PTGS2: variants seen among roughly 807,000 people sequenced by gnomAD.
PTGS2 encodes prostaglandin G/H synthase 2.
A neutral mutation model predicts 63.8 loss-of-function variants in PTGS2; 14 were observed. The ratio of observed to expected loss-of-function variants is 0.22; its 90% CI spans 0.14 to 0.34. The LOEUF (loss-of-function observed/expected upper bound fraction) is 0.34. Ranked by LOEUF, PTGS2 falls within the 10% of genes least tolerant of loss-of-function variation. The probability of loss-of-function intolerance (pLI) is 1.00; values close to 1 mark genes in which losing one functional copy is unlikely to be tolerated. For missense variants in PTGS2, 533 were observed against 738.5 expected (o/e 0.72, Z 3.23); for synonymous variants, 271 against 259.5 (o/e 1.04, Z -0.43).
At chr1:186,677,507 A>C in intron 5 of PTGS2, 142 bp downstream of exon 5, 1 of 844,148 alleles carries the variant, frequency 1.2e-6, no homozygotes, top group Non-Finnish European at 1.7e-6. Context: ...AAATTCCTTT[A>C]AGGTTTTTAT....
At chr1:186,677,207 A>G (rs1348033933) in intron 5 of PTGS2, among the ~76,000 whole-genome samples, 1 of 152,124 alleles carries the variant, frequency 6.6e-6, no homozygotes, top group East Asian at 1.9e-4. Context: ...AAGTATAAAA[A>G]TGTATTATTT....
rs1387864722 is a variant in PTGS2 at position 186,677,298 on chromosome 1, A to G, written c.639+351T>C. 2.0e-5 allele frequency among the ~76,000 whole-genome samples: 3 copies of G among 152,202 alleles called. No homozygotes were observed. The South Asian group carries it at 6.2e-4, about 31-fold the overall frequency. ...AATGCGGCAAAAACCTCACTTTACA[A>G]TATTGAAAGCGGCATAATCATGGTA... is the stretch of plus-strand genomic sequence containing the variant. On this transcript the variant is annotated intron_variant, in intron 5 of 9. Coordinates refer to ENST00000367468, the MANE Select transcript of PTGS2 (RefSeq NM_000963.4).
In PTGS2 at chr1:186,675,358, T is replaced by C. The variant is rs773222346; in HGVS notation, c.1296A>G (p.Lys432=). 2 of 1,614,142 alleles carry C rather than the reference T, an allele frequency of 1.2e-6. No individual in the cohort carries two copies. The highest frequency in any genetic ancestry group is 1.7e-6 in the Non-Finnish European group (2 of 1,180,028). ...GGRNVPPAVQ[K]VSQASIDQSR... is the part of the protein sequence containing the mutation. ...TCTGGTCAATGGAAGCCTGTGATACTTTCTGTACTGCGGGTGGAACATTCC... is the reference window on the plus strand; with the variant it reads ...TCTGGTCAATGGAAGCCTGTGATACCTTCTGTACTGCGGGTGGAACATTCC... The change falls in exon 9 of 10, where the codon AAA becomes AAG. Residue 432 remains lysine (K), a synonymous_variant. Coordinates refer to ENST00000367468, the MANE Select transcript of PTGS2 (RefSeq NM_000963.4).
At position 186,672,322 on chromosome 1, in the gene PTGS2, C is replaced by G. The variant is rs1318049786; in HGVS notation, c.*2031G>C. 1 of 152,094 alleles carries G rather than the reference C, an allele frequency of 6.6e-6. No homozygotes were observed. Among genetic ancestry groups the G allele is most frequent in the Admixed American group, 6.6e-5 (1 of 15,264 alleles). The allele number at this position is 152,094 out of a possible 1,614,324, so 9.4% of individuals were successfully genotyped here. A position where few individuals can be genotyped will look rare whatever the true frequency, so the allele number is the denominator to read the frequency against. The stretch of plus-strand genomic sequence containing the variant: ...AGGTCAGTCTTATGGCACATTCAGG[C>G]TAATGAGACAATATTCTTTGTGGGC... On this transcript the variant is annotated 3_prime_UTR_variant, in exon 10 of 10. Transcript: ENST00000367468.
chr1:186,679,247 T>TA (rs1345734243), intron 2 of PTGS2, 46 bp from the exon 3 acceptor site: 2 of 1,612,722 alleles, frequency 1.2e-6, no homozygotes, highest in East Asian at 2.2e-5. Context: ...TGGGACTCAT[T>TA]ATAAGACACA....
intron 9 of PTGS2, 60 bp from the exon 10 acceptor site, chr1:186,674,822 G>T: frequency 6.6e-7 from 1 of 1,505,174 alleles, no homozygotes; most frequent in Non-Finnish European, 8.9e-7. Context: ...ATAAAAAACA[G>T]TTTGATTCTT....
Position 186,676,266 on chromosome 1 carries a change from T to C in PTGS2, c.971-82A>G, listed in dbSNP as rs914222024. 24 of 1,424,940 alleles carry C rather than the reference T, an allele frequency of 1.7e-5. No individual in the cohort carries two copies. The East Asian group carries it at 4.5e-4, about 26-fold the overall frequency. The allele number at this position is 1,424,940 out of a possible 1,614,324, so 88.3% of individuals were successfully genotyped here. On this transcript the variant is annotated intron_variant, in intron 7 of 9. Coordinates refer to ENST00000367468, the MANE Select transcript of PTGS2 (RefSeq NM_000963.4). Reference sequence around the variant, plus strand: ...AGCAACTGGAATGCAATTTTTAAAATTTGCTATTCCTTCATTTCTGTTTTC... The same window carrying C: ...AGCAACTGGAATGCAATTTTTAAAACTTGCTATTCCTTCATTTCTGTTTTC...
Position 186,680,415 on chromosome 1 carries a change from AT to A in PTGS2, c.-126del. ...GCTCCTGACGCTCACTGCAAGTCGT[AT>A]GACAATTGGTCGCTAACCGAGAGAA... On this transcript the variant is annotated 5_prime_UTR_variant, in exon 1 of 10. Transcript: ENST00000367468. 1 of 639,194 alleles carries A rather than the reference AT, an allele frequency of 1.6e-6. No individual in the cohort carries two copies. The allele number at this position is 639,194 out of a possible 1,614,324, so 39.6% of individuals were successfully genotyped here.
At chr1:186,676,293 T>C (rs1005397999) in intron 7 of PTGS2, 109 bp from the exon 8 acceptor site, 10 of 1,375,404 alleles carry the variant, frequency 7.3e-6, no homozygotes. Flanking sequence ...TCTGTTTTCT[T>C]CCTTGTCAGT....
In PTGS2 at chr1:186,674,483, G is replaced by T; in HGVS notation, c.1685C>A (p.Pro562His). The T allele has an allele frequency of 6.2e-7, 1 of 1,614,122 alleles. No homozygotes were observed. Among genetic ancestry groups the T allele is most frequent in the Non-Finnish European group, 8.5e-7 (1 of 1,180,024 alleles). The change falls in exon 10 of 10, where the codon CCC (proline) becomes CAC (histidine). Residue 562 changes from proline to histidine, a missense_variant. Around this residue, in one of 5 missense-constraint regions of PTGS2, gnomAD observed 219 missense variants for 267.4 expected, o/e 0.82. Transcript: ENST00000367468. ...SLICNNVKGC[P>H]FTSFSVPDPE... The stretch of plus-strand genomic sequence containing the variant: ...ATCTGGAACACTGAATGAAGTAAAG[G>T]GACAGCCCTTCACGTTATTGCAGAT...
Position 186,673,264 on chromosome 1 carries a change from A to G in PTGS2, c.*1089T>C, listed in dbSNP as rs1665720520. The G allele has an allele frequency of 6.6e-6, 1 of 152,152 alleles. No homozygotes were observed. The highest frequency in any genetic ancestry group is 1.5e-5 in the Non-Finnish European group (1 of 68,006). The allele number at this position is 152,152 out of a possible 1,614,324, so 9.4% of individuals were successfully genotyped here. ...CAATGTGATATGGACTGCTAAATTA[A>G]ACTGTACAACAGAAAATCTGAGAAA... On this transcript the variant is annotated 3_prime_UTR_variant, in exon 10 of 10. Coordinates refer to ENST00000367468, the MANE Select transcript of PTGS2 (RefSeq NM_000963.4).
At chr1:186,678,191 A>ATTT in intron 4 of PTGS2, 70 bp downstream of exon 4, 3 of 1,067,496 alleles carry the variant, frequency 2.8e-6, no homozygotes, top group Non-Finnish European at 3.8e-6. Context: ...TCTAAGGTCA[A>ATTT]TTTTTTTTTT....
In PTGS2 at chr1:186,675,960, T is replaced by C. The variant is rs748500299; in HGVS notation, c.1195A>G (p.Ile399Val). The C allele has an allele frequency of 1.2e-6, 2 of 1,614,036 alleles. No homozygotes were observed. The highest frequency in any genetic ancestry group is 1.3e-5 in the African/African-American group (1 of 75,042). Residue 399 changes from isoleucine to valine, a missense_variant, in exon 8 of 10, where the codon ATA (isoleucine) becomes GTA (valine). Coordinates refer to ENST00000367468, the MANE Select transcript of PTGS2 (RefSeq NM_000963.4). The stretch of plus-strand genomic sequence containing the variant: ...TGGGTAATTCCATGTTCCAGCAATA[T>C]AGAGTTGTTGTAGATAAACTGTTGA... ...NYQQFIYNNS[I>V]LLEHGITQFV...
Position 186,676,192 on chromosome 1 carries a change from C to A in PTGS2, c.971-8G>T. 1 of 1,580,258 alleles carries A rather than the reference C, an allele frequency of 6.3e-7. No homozygotes were observed. Among genetic ancestry groups the A allele is most frequent in the South Asian group, 1.2e-5 (1 of 86,712 alleles). ...CAATCTTAATAGTCTCTCCTATTTG[C>A]ACAAAATAAATAATAAAAACATTTA... On this transcript the variant is annotated splice_region_variant and splice_polypyrimidine_tract_variant and intron_variant, in intron 7 of 9. Coordinates refer to ENST00000367468, the MANE Select transcript of PTGS2 (RefSeq NM_000963.4).
chr1:186,679,567 C>G, intron 1 of PTGS2, 129 bp from the exon 2 acceptor site: 2 of 714,778 alleles, frequency 2.8e-6, no homozygotes, highest in Non-Finnish European at 2.3e-6. Flanking sequence ...CATGGAAATA[C>G]AATTTTTTAA....
In PTGS2 at chr1:186,676,502, T is replaced by TC; in HGVS notation, c.934dup (p.Glu312GlyfsTer17). On this transcript the variant is annotated frameshift_variant, in exon 7 of 10. Coordinates refer to ENST00000367468, the MANE Select transcript of PTGS2 (RefSeq NM_000963.4). LOFTEE classifies it high-confidence loss of function. ...TAGCCTGCTTGTCTGGAACAACTGC[T>TC]CATCACCCCATTCAGGATGCTCCTG... 1 of 1,614,178 alleles carries TC rather than the reference T, an allele frequency of 6.2e-7. No individual in the cohort carries two copies. The highest frequency in any genetic ancestry group is 8.5e-7 in the Non-Finnish European group (1 of 1,180,026).
chr1:186,676,089 G>T lies in PTGS2; in HGVS notation c.1066C>A (p.Gln356Lys). The change falls in exon 8 of 10, where the codon CAA (glutamine) becomes AAA (lysine). Residue 356 changes from glutamine to lysine, a missense_variant. Transcript: ENST00000367468. ...KFDPELLFNK[Q>K]FQYQNRIAAE... ...GCAATACGATTTTGGTACTGGAATT[G>T]TTTGTTGAAAAGTAGTTCTGGGTCA... The T allele has an allele frequency of 1.2e-6, 2 of 1,614,134 alleles. No homozygotes were observed. Among genetic ancestry groups the T allele is most frequent in the Non-Finnish European group, 1.7e-6 (2 of 1,179,996 alleles).
chr1:186,679,423 G>A lies in PTGS2; in HGVS notation c.68C>T (p.Ser23Phe). The A allele has an allele frequency of 6.2e-7, 1 of 1,613,714 alleles. No homozygotes were observed. The highest frequency in any genetic ancestry group is 8.5e-7 in the Non-Finnish European group (1 of 1,179,708). ...ALSHTANPCC[S>F]HPCQNRGVCM... Reference sequence around the variant, plus strand: ...TACACCTCGGTTTTGACATGGGTGGGAACAGCAAGGATTTGCTGCAATTAA... The same window carrying A: ...TACACCTCGGTTTTGACATGGGTGGAAACAGCAAGGATTTGCTGCAATTAA... The change falls in exon 2 of 10, where the codon TCC (serine) becomes TTC (phenylalanine). Residue 23 changes from serine to phenylalanine, a missense_variant. Ser to Phe is a radical substitution (Grantham distance 155). Around this residue, in one of 5 missense-constraint regions of PTGS2, gnomAD observed 118 missense variants for 144.6 expected, o/e 0.82. Transcript: ENST00000367468.
rs200564627 is a variant in PTGS2 at position 186,680,361 on chromosome 1, G to A, written c.-71C>T. 19 of 1,237,434 alleles carry A rather than the reference G, an allele frequency of 1.5e-5. No homozygotes were observed. In the East Asian group the frequency reaches 4.4e-4, roughly 29 times the overall value. The allele number at this position is 1,237,434 out of a possible 1,614,324, so 76.7% of individuals were successfully genotyped here. On this transcript the variant is annotated 5_prime_UTR_variant, in exon 1 of 10. Coordinates refer to ENST00000367468, the MANE Select transcript of PTGS2 (RefSeq NM_000963.4). ...GAGGGCGTCTGGCTGTGGAGCTGAA[G>A]GAGGCGCTGCTGAGGAGTTCCTGGA...
Sources: allele counts gnomAD v4.1 joint callset (sites outside exome capture counted in the v4.1 genomes callset), GRCh38; gene constraint gnomAD v4.1.1; regional missense constraint gnomAD v4.1.1; transcripts MANE v1.5; gene names NCBI Gene and HGNC (gene_info 2026-07-23, HGNC 2026-07-21).